Variants in TBC1D5 observed in about 807,000 individuals in gnomAD.
TBC1D5 encodes TBC1 domain family, member 5.
Under a neutral mutation model 100.3 loss-of-function variants are expected in TBC1D5, and 75 were observed. The observed-to-expected ratio is 0.75, with a 90% CI of 0.62 to 0.91. The LOEUF is 0.91. Among genes scored for constraint, TBC1D5 ranks in the 40% least tolerant of loss-of-function variants. The pLI, the probability that TBC1D5 is intolerant of heterozygous loss-of-function variation, is 0.00. For synonymous variants in TBC1D5, 323 were observed against 325.6 expected, an observed-to-expected ratio of 0.99 and a Z score of 0.09; for missense variants, 910 against 942.4, an observed-to-expected ratio of 0.97 and a Z score of 0.45.
chr3:17,661,193 C>A (rs2153742953), intron 1 of TBC1D5, among the ~76,000 whole-genome samples: 1 of 152,284 alleles, frequency 6.6e-6, no homozygotes, highest in South Asian at 2.1e-4. Flanking sequence ...TACAAGGACA[C>A]TCCGCTCAAT....
intron 1 of TBC1D5, among the ~76,000 whole-genome samples, chr3:17,730,703 G>T (rs1411873981): frequency 6.6e-6 from 1 of 152,132 alleles, no homozygotes; most frequent in African/African-American, 2.4e-5. Context: ...AAGTTTTGAA[G>T]CCATTTGTCA....
intron 1 of TBC1D5, among the ~76,000 whole-genome samples, chr3:17,700,364 A>T (rs1271563768): frequency 2.0e-5 from 3 of 152,174 alleles, no homozygotes; most frequent in Non-Finnish European, 2.9e-5. Context: ...TAGACCTAAA[A>T]CCATAAAAAC....
intron 18 of TBC1D5, among the ~76,000 whole-genome samples, chr3:17,209,246 A>C (rs2072641532): frequency 6.6e-6 from 1 of 152,224 alleles, no homozygotes; most frequent in Non-Finnish European, 1.5e-5. Flanking sequence ...TCCCAGACTC[A>C]GGTGATCCTT....
At chr3:17,568,312 A>G (rs1303345120) in intron 2 of TBC1D5, among the ~76,000 whole-genome samples, 1 of 151,532 alleles carries the variant, frequency 6.6e-6, no homozygotes, top group Non-Finnish European at 1.5e-5. Context: ...AATTCTTTAT[A>G]ACCATAAAGA....
At chr3:17,551,072 G>A (rs1441352337) in intron 2 of TBC1D5, among the ~76,000 whole-genome samples, 2 of 152,114 alleles carry the variant, frequency 1.3e-5, no homozygotes, top group African/African-American at 4.8e-5. Flanking sequence ...GTGTGTATGT[G>A]TGTGTATTTA....
chr3:17,679,671 A>G (rs1329265812), intron 1 of TBC1D5, among the ~76,000 whole-genome samples: 1 of 151,622 alleles, frequency 6.6e-6, no homozygotes, highest in Non-Finnish European at 1.5e-5. Flanking sequence ...AGTACATTAT[A>G]CATTAATATT....
chr3:17,439,352 A>T (rs1210354768), intron 3 of TBC1D5, among the ~76,000 whole-genome samples: 1 of 152,218 alleles, frequency 6.6e-6, no homozygotes, highest in East Asian at 1.9e-4. Context: ...AATAACAGCT[A>T]TCTGAACAAG....
intron 13 of TBC1D5, among the ~76,000 whole-genome samples, chr3:17,352,950 A>T (rs747961152): frequency 5.1e-4 from 78 of 152,212 alleles, no homozygotes; most frequent in Admixed American, 1.0e-3. Flanking sequence ...ACAAACTTAA[A>T]CACACTGTTT....
At chr3:17,198,000 G>T (rs1043161469) in intron 18 of TBC1D5, among the ~76,000 whole-genome samples, 4 of 152,180 alleles carry the variant, frequency 2.6e-5, no homozygotes, top group Admixed American at 6.5e-5. Flanking sequence ...TTGTGCCACT[G>T]CACTCCAGCC....
Position 17,404,974 on chromosome 3 carries a change from A to T in TBC1D5, c.277-13T>A, listed in dbSNP as rs767971258. 3.9e-6 allele frequency: 6 copies of T among 1,528,242 alleles called. No homozygotes were observed. Among genetic ancestry groups the T allele is most frequent in the Non-Finnish European group, 4.4e-6 (5 of 1,128,100 alleles). 94.7% of individuals were successfully genotyped at this position (1,528,242 alleles called of 1,614,324 possible). ...CACAAAGAAATAGCTGTCAAGAAAAACAGAAGAAACTTTTGTAAAAATCTT... is the reference window on the plus strand; with the variant it reads ...CACAAAGAAATAGCTGTCAAGAAAATCAGAAGAAACTTTTGTAAAAATCTT... On this transcript the variant is annotated splice_polypyrimidine_tract_variant and intron_variant, in intron 5 of 21. Coordinates refer to ENST00000253692, the Ensembl canonical transcript of TBC1D5.
intron 1 of TBC1D5, among the ~76,000 whole-genome samples, chr3:17,676,828 AG>A (rs1381107717): frequency 6.6e-6 from 1 of 152,222 alleles, no homozygotes; most frequent in East Asian, 1.9e-4. Context: ...AACAGAACAG[AG>A]GCCTCAGAAA....
intron 1 of TBC1D5, among the ~76,000 whole-genome samples, chr3:17,657,101 C>T (rs1018024962): frequency 2.0e-5 from 3 of 152,026 alleles, no homozygotes; most frequent in African/African-American, 7.2e-5. Context: ...CTGCTGAAGT[C>T]TATCTTTTAA....
exon 1 of TBC1D5, chr3:17,740,366 C>T (rs1299901503): frequency 1.3e-5 from 2 of 151,158 alleles, no homozygotes; most frequent in Admixed American, 6.6e-5. Flanking sequence ...TTCCGTAAAG[C>T]ACTTACAACA....
At chr3:17,718,388 G>A (rs949066175) in intron 1 of TBC1D5, among the ~76,000 whole-genome samples, 2 of 152,168 alleles carry the variant, frequency 1.3e-5, no homozygotes, top group Admixed American at 6.5e-5. Context: ...ATGAGGTCAG[G>A]AGATCGAGAC....
chr3:17,351,928 C>T (rs951475709), intron 13 of TBC1D5, among the ~76,000 whole-genome samples: 16 of 145,976 alleles, frequency 1.1e-4, no homozygotes, highest in African/African-American at 3.7e-4. Flanking sequence ...TTTCTGAATC[C>T]GTTTTTTTTT....
intron 18 of TBC1D5, among the ~76,000 whole-genome samples, chr3:17,205,886 C>A (rs2072109679): frequency 6.6e-6 from 1 of 152,146 alleles, no homozygotes; most frequent in South Asian, 2.1e-4. Flanking sequence ...GATGGTGATG[C>A]TACTCAACAG....
intron 14 of TBC1D5, among the ~76,000 whole-genome samples, chr3:17,300,660 C>T (rs1421900709): frequency 2.0e-5 from 3 of 152,074 alleles, no homozygotes; most frequent in Non-Finnish European, 4.4e-5. Flanking sequence ...CTTACGCTGG[C>T]TGAAAAAACA....
chr3:17,236,315 C>A (rs2075848203), intron 17 of TBC1D5, among the ~76,000 whole-genome samples: 1 of 151,990 alleles, frequency 6.6e-6, no homozygotes, highest in South Asian at 2.1e-4. Flanking sequence ...TTGTTTAGAA[C>A]AATAAAACAG....
At chr3:17,734,098 G>T (rs774216047) in intron 1 of TBC1D5, among the ~76,000 whole-genome samples, 1 of 152,268 alleles carries the variant, frequency 6.6e-6, no homozygotes, top group East Asian at 1.9e-4. Flanking sequence ...GCATAGGCAC[G>T]AAGGGATATT....
Sources: gnomAD v4.1 joint callset for allele counts (sites outside exome capture counted in the v4.1 genomes callset) on GRCh38, gnomAD v4.1.1 for gene constraint, MANE v1.5 for transcripts, NCBI Gene and HGNC (gene_info 2026-07-23, HGNC 2026-07-21) for gene names.